GPC5: variants seen among roughly 807,000 people sequenced by gnomAD.
GPC5 encodes glypican 5, also known as glypican-5.
GPC5 carries 47 observed loss-of-function variants against 53.9 expected under a neutral mutation model. The observed-to-expected ratio is 0.87, with a 90% CI of 0.69 to 1.11. GPC5 has a LOEUF of 1.11. Among genes scored for constraint, GPC5 ranks in the 50% most tolerant of loss-of-function variants. GPC5 has a pLI of 0.00. For synonymous variants in GPC5, 286 were observed against 263.3 expected (o/e 1.09, Z -0.84); for missense variants, 748 against 713.1 (o/e 1.05, Z -0.56).
rs544146263 is a variant in GPC5, at chr13:91,548,165, A to G, written c.325+99243A>G. ...GAAAAGACATATAGCTTGGGAAGAA[A>G]TACCACTGTTTTTGTTTGCAAGTGA... On this transcript the variant is annotated intron_variant, in intron 2 of 7. Coordinates refer to ENST00000377067, the MANE Select transcript of GPC5 (RefSeq NM_004466.6). Among the ~76,000 whole-genome samples the G allele has an allele frequency of 6.6e-5, 10 of 152,284 alleles. No homozygotes were observed. The South Asian group carries it at 2.1e-3, about 32-fold the overall frequency.
intron 7 of GPC5, among the ~76,000 whole-genome samples, chr13:92,264,229 T>C (rs1255787640): frequency 2.6e-5 from 4 of 152,052 alleles, no homozygotes; most frequent in Non-Finnish European, 5.9e-5. Context: ...TATACTAATA[T>C]ACTAATAACA....
chr13:92,148,467 C>A (rs981109552), intron 7 of GPC5, among the ~76,000 whole-genome samples: 4 of 152,022 alleles, frequency 2.6e-5, no homozygotes, highest in African/African-American at 9.7e-5. Context: ...GTAATCCCAC[C>A]TATACATTAT....
intron 7 of GPC5, among the ~76,000 whole-genome samples, chr13:92,630,705 A>C (rs1369715846): frequency 6.6e-6 from 1 of 152,144 alleles, no homozygotes; most frequent in South Asian, 2.1e-4. Flanking sequence ...AAATTTTTTT[A>C]AACCTGATTC....
intron 2 of GPC5, among the ~76,000 whole-genome samples, chr13:91,475,085 A>G (rs763869604): frequency 6.6e-6 from 1 of 152,202 alleles, no homozygotes; most frequent in Admixed American, 6.5e-5. Flanking sequence ...GTTTCCCTCC[A>G]GAGAAATTAA....
At chr13:91,595,133 TC>T (rs1282937967) in intron 2 of GPC5, among the ~76,000 whole-genome samples, 3 of 151,636 alleles carry the variant, frequency 2.0e-5, no homozygotes, top group Non-Finnish European at 2.9e-5. Context: ...AAGCAATTCT[TC>T]CCCCTCCCGA....
chr13:92,110,528 GAA>G (rs565438897), intron 6 of GPC5, among the ~76,000 whole-genome samples: 2 of 140,016 alleles, frequency 1.4e-5, no homozygotes. Flanking sequence ...TTCTCTAAAG[GAA>G]AAAAAAAAAG....
Position 92,033,035 on chromosome 13 carries a change from T to TTGTG in GPC5, c.1402-111795_1402-111794insTGTG, listed in dbSNP as rs1566404109. Among the ~76,000 whole-genome samples, 49 of 77,836 alleles carry TTGTG rather than the reference T, an allele frequency of 6.3e-4. 1 individual carries two copies. Among genetic ancestry groups the TTGTG allele is most frequent in the African/African-American group, 2.2e-3 (47 of 21,576 alleles). 51.1% of individuals were successfully genotyped at this position (77,836 alleles called of 152,430 possible). On this transcript the variant is annotated intron_variant, in intron 6 of 7. Transcript: ENST00000377067. ...GTTCTTCTGCCCGGGCTAGTTATTG[T>TTGTG]CGTGTGTGTGTGTGTGTGTGTGTGT...
intron 6 of GPC5, among the ~76,000 whole-genome samples, chr13:91,916,430 G>A (rs1450850834): frequency 6.6e-6 from 1 of 152,096 alleles, no homozygotes; most frequent in Non-Finnish European, 1.5e-5. Flanking sequence ...AATGAGATAT[G>A]TCCATATAAT....
chr13:91,888,130 A>C (rs1443199645), intron 5 of GPC5, among the ~76,000 whole-genome samples: 1 of 152,192 alleles, frequency 6.6e-6, no homozygotes, highest in Non-Finnish European at 1.5e-5. Flanking sequence ...GGGAGGCCTC[A>C]CAATCATGGC....
At chr13:92,203,329 C>T (rs1202958230) in intron 7 of GPC5, among the ~76,000 whole-genome samples, 2 of 148,664 alleles carry the variant, frequency 1.3e-5, no homozygotes, top group African/African-American at 2.5e-5. Context: ...GAGTTCATAT[C>T]CTTTGTAGGG....
chr13:91,905,115 A>G (rs2039539543), intron 5 of GPC5, among the ~76,000 whole-genome samples: 2 of 152,242 alleles, frequency 1.3e-5, no homozygotes, highest in Admixed American at 1.3e-4. Flanking sequence ...GAGTAAAGCA[A>G]TGCCTAAATC....
At chr13:92,381,861 A>G (rs1271485274) in intron 7 of GPC5, among the ~76,000 whole-genome samples, 2 of 130,910 alleles carry the variant, frequency 1.5e-5, no homozygotes, top group African/African-American at 5.7e-5. Context: ...ATATATGATT[A>G]TATATATCAT....
At chr13:92,479,797 A>G (rs1359610914) in intron 7 of GPC5, among the ~76,000 whole-genome samples, 5 of 152,236 alleles carry the variant, frequency 3.3e-5, no homozygotes, top group Admixed American at 2.6e-4. Context: ...TTTTATCCAC[A>G]TAACAATTAT....
chr13:92,358,539 C>A (rs1387253255), intron 7 of GPC5, among the ~76,000 whole-genome samples: 4 of 151,694 alleles, frequency 2.6e-5, no homozygotes, highest in African/African-American at 9.8e-5. Context: ...TAAAAGTTCT[C>A]TATGAGGGCC....
chr13:92,085,930 C>G (rs946989390), intron 6 of GPC5, among the ~76,000 whole-genome samples: 4 of 152,206 alleles, frequency 2.6e-5, no homozygotes, highest in African/African-American at 9.6e-5. Context: ...CCGCCACTCA[C>G]CCCGTGCTTT....
intron 7 of GPC5, among the ~76,000 whole-genome samples, chr13:92,817,218 G>T (rs1015599255): frequency 3.3e-5 from 5 of 151,996 alleles, no homozygotes; most frequent in Admixed American, 6.6e-5. Flanking sequence ...ACTTTCAAAT[G>T]CTGTTACAAT....
intron 2 of GPC5, among the ~76,000 whole-genome samples, chr13:91,596,812 T>G: frequency 6.6e-6 from 1 of 152,226 alleles, no homozygotes. Flanking sequence ...TCTGTCACTG[T>G]AAGAGTTGGG....
chr13:91,871,269 AC>A (rs2039140962), intron 5 of GPC5, among the ~76,000 whole-genome samples: 1 of 152,170 alleles, frequency 6.6e-6, no homozygotes, highest in African/African-American at 2.4e-5. Flanking sequence ...AAAACCAAAT[AC>A]CACATGTTCT....
intron 7 of GPC5, among the ~76,000 whole-genome samples, chr13:92,500,486 A>C (rs1436839370): frequency 6.6e-6 from 1 of 152,238 alleles, no homozygotes; most frequent in Non-Finnish European, 1.5e-5. Context: ...TAAACAAGCG[A>C]TTTAGATAGA....
Sources: gnomAD v4.1 joint callset for allele counts (sites outside exome capture counted in the v4.1 genomes callset) on GRCh38, gnomAD v4.1.1 for gene constraint, MANE v1.5 for transcripts, NCBI Gene and HGNC (gene_info 2026-07-23, HGNC 2026-07-21) for gene names.